Variants in LTBP1 observed in about 807,000 individuals in gnomAD.
LTBP1 encodes latent transforming growth factor beta binding protein 1.
In LTBP1, 129 loss-of-function variants were observed where a neutral mutation model predicts 207.6. The observed-to-expected ratio is 0.62, with a 90% CI of 0.54 to 0.72. LTBP1 has a LOEUF of 0.72. Ranked by LOEUF, LTBP1 falls within the 30% of genes least tolerant of loss-of-function variation. The pLI, the probability that LTBP1 is intolerant of heterozygous loss-of-function variation, is 0.00. For synonymous variants in LTBP1, 963 were observed against 833.7 expected (o/e 1.16, Z -2.67); for missense variants, 2,281 against 2,217.2 (o/e 1.03, Z -0.58).
At position 33,347,113 on chromosome 2, in the gene LTBP1, G is replaced by A. The variant is rs1372538008; in HGVS notation, c.3857-254G>A. On this transcript the variant is annotated intron_variant, in intron 25 of 33. Coordinates refer to ENST00000404816, the MANE Select transcript of LTBP1 (RefSeq NM_206943.4). Reference sequence around the variant, plus strand: ...AGCCTGGGCGACAGAGCGAGACTCCGTCTCAAAAAAAAAAAAAAAAAAAAA... The same window carrying A: ...AGCCTGGGCGACAGAGCGAGACTCCATCTCAAAAAAAAAAAAAAAAAAAAA... Among the ~76,000 whole-genome samples the A allele has an allele frequency of 2.6e-4, 25 of 97,364 alleles. No homozygotes were observed. In the Admixed American group the frequency reaches 3.2e-3, roughly 13 times the overall value. 63.9% of individuals were successfully genotyped at this position (97,364 alleles called of 152,430 possible). A position where few individuals can be genotyped will look rare whatever the true frequency, so the allele number is the denominator to read the frequency against.
At chr2:33,175,059 A>G (rs2085885753) in intron 5 of LTBP1, among the ~76,000 whole-genome samples, 1 of 152,176 alleles carries the variant, frequency 6.6e-6, no homozygotes, top group Admixed American at 6.5e-5. Flanking sequence ...AAACCCTAGA[A>G]GAAAACCTAG....
At position 32,963,296 on chromosome 2, in the gene LTBP1, C is replaced by T. The variant is rs1385328739; in HGVS notation, c.565+14351C>T. Among the ~76,000 whole-genome samples, 3 of 152,258 alleles carry T rather than the reference C, an allele frequency of 2.0e-5. No homozygotes were observed. The South Asian group carries it at 6.2e-4, about 32-fold the overall frequency. ...CATAGCTCACTGTGATCTTGCACTCCTGGGCTCAAGTGATCCTCGTGCCTC... is the reference window on the plus strand; with the variant it reads ...CATAGCTCACTGTGATCTTGCACTCTTGGGCTCAAGTGATCCTCGTGCCTC... On this transcript the variant is annotated intron_variant, in intron 2 of 33. Coordinates refer to ENST00000404816, the MANE Select transcript of LTBP1 (RefSeq NM_206943.4).
chr2:33,119,295 G>A (rs957484022), intron 4 of LTBP1, among the ~76,000 whole-genome samples: 4 of 152,036 alleles, frequency 2.6e-5, no homozygotes, highest in Non-Finnish European at 5.9e-5. Context: ...AGAAATTGAG[G>A]GTTTTAGTTG....
chr2:33,015,097 GTTCTC>G (rs1688193140), intron 2 of LTBP1, among the ~76,000 whole-genome samples: 1 of 151,534 alleles, frequency 6.6e-6, no homozygotes, highest in Non-Finnish European at 1.5e-5. Flanking sequence ...CCCTTGTGAT[GTTCTC>G]TTCTCTTTGA....
At chr2:33,126,999 A>G (rs1050958709) in intron 4 of LTBP1, among the ~76,000 whole-genome samples, 14 of 152,258 alleles carry the variant, frequency 9.2e-5, no homozygotes, top group Non-Finnish European at 1.8e-4. Flanking sequence ...TGTTTTGGCC[A>G]TTGCAAAAAT....
intron 2 of LTBP1, among the ~76,000 whole-genome samples, chr2:33,013,360 C>T (rs1480134355): frequency 6.6e-6 from 1 of 151,496 alleles, no homozygotes; most frequent in East Asian, 1.9e-4. Flanking sequence ...ATTTCATTTC[C>T]CTCTGTCTAA....
intron 13 of LTBP1, among the ~76,000 whole-genome samples, chr2:33,261,062 A>G (rs531662370): frequency 6.6e-6 from 1 of 152,360 alleles, no homozygotes; most frequent in African/African-American, 2.4e-5. Context: ...AAGGTGTGGT[A>G]GAGGGGACAG....
intron 5 of LTBP1, among the ~76,000 whole-genome samples, chr2:33,155,203 C>T (rs1436801800): frequency 6.6e-6 from 1 of 152,092 alleles, no homozygotes; most frequent in African/African-American, 2.4e-5. Context: ...AAGATTGGAA[C>T]TACAGGCGCG....
At position 33,171,837 on chromosome 2, in the gene LTBP1, A is replaced by G. The variant is rs1405069240; in HGVS notation, c.1202-15019A>G. 6.6e-5 allele frequency among the ~76,000 whole-genome samples: 10 copies of G among 152,322 alleles called. 1 individual carries two copies. The highest frequency in any genetic ancestry group is 2.2e-4 in the African/African-American group (9 of 41,574). ...GCAGAAACTCTACAAGCCAGAAGAG[A>G]GTGGGGGCCAATATTCAACATTCTT... is the stretch of plus-strand genomic sequence containing the variant. On this transcript the variant is annotated intron_variant, in intron 5 of 33. Coordinates refer to ENST00000404816, the MANE Select transcript of LTBP1 (RefSeq NM_206943.4).
intron 5 of LTBP1, among the ~76,000 whole-genome samples, chr2:33,154,829 G>A (rs1361885749): frequency 3.9e-5 from 6 of 152,152 alleles, no homozygotes; most frequent in East Asian, 1.9e-4. Context: ...TTGGGAGAGC[G>A]AGGTGGGAGG....
intron 24 of LTBP1, among the ~76,000 whole-genome samples, chr2:33,336,271 G>C (rs769018999): frequency 6.6e-6 from 1 of 152,200 alleles, no homozygotes; most frequent in East Asian, 1.9e-4. Flanking sequence ...AGTTTGGTTA[G>C]TTCTCTTCAT....
chr2:32,961,970 A>G (rs527868600), intron 2 of LTBP1, among the ~76,000 whole-genome samples: 16 of 152,052 alleles, frequency 1.1e-4, no homozygotes, highest in African/African-American at 2.7e-4. Flanking sequence ...AAATCCTTCA[A>G]TGCTTCACAG....
At chr2:33,100,207 A>G (rs367614030) in intron 3 of LTBP1, among the ~76,000 whole-genome samples, 1 of 152,342 alleles carries the variant, frequency 6.6e-6, no homozygotes, top group South Asian at 2.1e-4. Flanking sequence ...CTGACAGCTC[A>G]TGCTGTGGTT....
intron 31 of LTBP1, among the ~76,000 whole-genome samples, chr2:33,387,531 C>T (rs559631302): frequency 5.9e-5 from 9 of 152,328 alleles, no homozygotes; most frequent in African/African-American, 1.4e-4. Context: ...GAATTTTAGA[C>T]AGGGGCAGCC....
intron 2 of LTBP1, among the ~76,000 whole-genome samples, chr2:32,978,495 T>G (rs767882776): frequency 2.0e-5 from 3 of 152,192 alleles, no homozygotes; most frequent in Non-Finnish European, 4.4e-5. Flanking sequence ...GTTGATATGA[T>G]GTATCACATT....
intron 10 of LTBP1, among the ~76,000 whole-genome samples, chr2:33,247,050 G>C (rs775201931): frequency 1.3e-5 from 2 of 152,190 alleles, no homozygotes; most frequent in Non-Finnish European, 2.9e-5. Flanking sequence ...AGAGCTCCAG[G>C]ATGAGTGCTG....
intron 2 of LTBP1, among the ~76,000 whole-genome samples, chr2:32,996,413 A>G (rs1198908625): frequency 6.6e-6 from 1 of 152,158 alleles, no homozygotes; most frequent in African/African-American, 2.4e-5. Context: ...ATATTGTCGT[A>G]TTGGGGGTTA....
At chr2:33,239,904 A>AAATAAATG (rs1553464885) in intron 9 of LTBP1, among the ~76,000 whole-genome samples, 1 of 149,306 alleles carries the variant, frequency 6.7e-6, no homozygotes, top group African/African-American at 2.5e-5. Context: ...ACTCCATCTT[A>AAATAAATG]AATAAATAAA....
chr2:33,258,034 AG>A (rs985481776), intron 12 of LTBP1, among the ~76,000 whole-genome samples: 1 of 152,226 alleles, frequency 6.6e-6, no homozygotes, highest in African/African-American at 2.4e-5. Flanking sequence ...AGACCTAGAG[AG>A]GGGACATGAC....
Sources: gnomAD v4.1 joint callset for allele counts (sites outside exome capture counted in the v4.1 genomes callset) on GRCh38, gnomAD v4.1.1 for gene constraint, MANE v1.5 for transcripts, NCBI Gene and HGNC (gene_info 2026-07-23, HGNC 2026-07-21) for gene names.